Variants in PDZRN3 observed in about 807,000 individuals in gnomAD.
The protein encoded by PDZRN3 is E3 ubiquitin-protein ligase PDZRN3.
In PDZRN3, 38 loss-of-function variants were observed where a neutral mutation model predicts 85.7. That is an observed-to-expected ratio of 0.44 (90% CI 0.34 to 0.58). PDZRN3 has a LOEUF of 0.58. Ranked by LOEUF, PDZRN3 falls within the 20% of genes least tolerant of loss-of-function variation. The pLI, the probability that PDZRN3 is intolerant of heterozygous loss-of-function variation, is 0.01. For synonymous variants in PDZRN3, 759 were observed against 638.0 expected (o/e 1.19, Z -2.86); for missense variants, 1,629 against 1,506.4 (o/e 1.08, Z -1.35).
At position 73,546,323 on chromosome 3, in the gene PDZRN3, C is replaced by A. The variant is rs114849662; in HGVS notation, c.918+56031G>T. Among the ~76,000 whole-genome samples the A allele has an allele frequency of 3.3e-3, 509 of 152,290 alleles. 1 individual carries two copies. The highest frequency in any genetic ancestry group is 0.012 in the African/African-American group (480 of 41,560). Reference sequence around the variant, plus strand: ...GAGAGTACGGACCTGTTGGAGGCAACACAAAACGAAGACAATCTCACCACC... The same window carrying A: ...GAGAGTACGGACCTGTTGGAGGCAAAACAAAACGAAGACAATCTCACCACC... On this transcript the variant is annotated intron_variant, in intron 3 of 9. Transcript: ENST00000263666.
intron 3 of PDZRN3, among the ~76,000 whole-genome samples, chr3:73,417,990 G>A (rs143550931): frequency 8.1e-4 from 124 of 152,296 alleles, no homozygotes; most frequent in African/African-American, 2.8e-3. Flanking sequence ...GAACCTATAT[G>A]AATCAAAAGT....
rs775693371 is a variant in PDZRN3 at position 73,384,922 on chromosome 3, G to C, written c.1644C>G (p.His548Gln). 2 of 1,598,276 alleles carry C rather than the reference G, an allele frequency of 1.3e-6. No homozygotes were observed. The highest frequency in any genetic ancestry group is 1.7e-6 in the Non-Finnish European group (2 of 1,171,162). ...TATCTGTGGTCCCACCGTCTTCGTC[G>C]TGCTTCTTCTGCATAAACACAAGAA... Reference protein sequence around the residue: ...FTASVLQQKKHDEDGGTTDTA... With the variant: ...FTASVLQQKKQDEDGGTTDTA... Residue 548 changes from histidine to glutamine, a missense_variant, in exon 10 of 10, where the codon CAC becomes CAG. Coordinates refer to ENST00000263666, the MANE Select transcript of PDZRN3 (RefSeq NM_015009.3).
At chr3:73,418,809 A>G (rs915512099) in intron 3 of PDZRN3, among the ~76,000 whole-genome samples, 2 of 152,192 alleles carry the variant, frequency 1.3e-5, no homozygotes, top group African/African-American at 4.8e-5. Flanking sequence ...GACACAGAAG[A>G]GACAGATGCC....
Position 73,493,733 on chromosome 3 carries a change from C to T in PDZRN3, c.919-89338G>A, listed in dbSNP as rs191169190. 3.1e-3 allele frequency among the ~76,000 whole-genome samples: 473 copies of T among 152,296 alleles called. 1 individual carries two copies. Among genetic ancestry groups the T allele is most frequent in the Non-Finnish European group, 5.0e-3 (342 of 68,020 alleles). ...TGATGAAGAGGTGCCTCAGGCCTGG[C>T]TAGTCAGATTGCTGATTGGTTAAGG... On this transcript the variant is annotated intron_variant, in intron 3 of 9. Transcript: ENST00000263666.
intron 3 of PDZRN3, among the ~76,000 whole-genome samples, chr3:73,554,263 G>A (rs1306931562): frequency 6.6e-6 from 1 of 152,008 alleles, no homozygotes; most frequent in Non-Finnish European, 1.5e-5. Flanking sequence ...CATTGGCCAA[G>A]TCACAAAATT....
intron 3 of PDZRN3, among the ~76,000 whole-genome samples, chr3:73,436,809 A>G (rs1012193711): frequency 5.3e-5 from 8 of 152,032 alleles, no homozygotes; most frequent in African/African-American, 1.7e-4. Flanking sequence ...GCACTTTGGG[A>G]GGCTGAGGTG....
chr3:73,388,084 G>C lies in PDZRN3; in HGVS notation c.1417-15C>G, dbSNP rs202247721. 1.5e-6 allele frequency: 1 copy of C among 689,332 alleles called. No individual in the cohort carries two copies. The highest frequency in any genetic ancestry group is 2.3e-5 in the South Asian group (1 of 44,428). 42.7% of individuals were successfully genotyped at this position (689,332 alleles called of 1,614,324 possible). ...ATCCCATTAATCTTTTAAAAAAAAA[G>C]GGGGGGTGGGGAGAGTGGGGAGACA... On this transcript the variant is annotated splice_polypyrimidine_tract_variant and intron_variant, in intron 7 of 9. Coordinates refer to ENST00000263666, the MANE Select transcript of PDZRN3 (RefSeq NM_015009.3).
chr3:73,465,279 T>A (rs150506442), intron 3 of PDZRN3, among the ~76,000 whole-genome samples: 43 of 152,300 alleles, frequency 2.8e-4, no homozygotes, highest in African/African-American at 9.4e-4. Flanking sequence ...TTCTATGTGT[T>A]TTAGTTTTTG....
chr3:73,490,298 A>C lies in PDZRN3; in HGVS notation c.919-85903T>G, dbSNP rs370706795. Among the ~76,000 whole-genome samples, 14 of 152,120 alleles carry C rather than the reference A, an allele frequency of 9.2e-5. No homozygotes were observed. In the East Asian group the frequency reaches 1.7e-3, roughly 19 times the overall value. ...GCTGACCGTTCTGCTTTGGAGACCA[A>C]CTCTCACTGCTGCACATGGAAACCC... On this transcript the variant is annotated intron_variant, in intron 3 of 9. Coordinates refer to ENST00000263666, the MANE Select transcript of PDZRN3 (RefSeq NM_015009.3).
chr3:73,441,278 T>C lies in PDZRN3; in HGVS notation c.919-36883A>G, dbSNP rs547027834. ...AAATACAAAAATTAGTTGGGCGTGG[T>C]GGAGCATGCCTGTAATCCCAGCTAG... On this transcript the variant is annotated intron_variant, in intron 3 of 9. Transcript: ENST00000263666. 2.0e-5 allele frequency among the ~76,000 whole-genome samples: 3 copies of C among 151,552 alleles called. No individual in the cohort carries two copies. In the South Asian group the frequency reaches 6.3e-4, roughly 32 times the overall value.
At chr3:73,408,487 G>T (rs1701899099) in intron 3 of PDZRN3, among the ~76,000 whole-genome samples, 3 of 152,032 alleles carry the variant, frequency 2.0e-5, no homozygotes, top group Admixed American at 1.3e-4. Flanking sequence ...TATGCCGTAA[G>T]GCTTCTTGAC....
At chr3:73,495,603 G>A (rs1218198772) in intron 3 of PDZRN3, among the ~76,000 whole-genome samples, 2 of 152,024 alleles carry the variant, frequency 1.3e-5, no homozygotes, top group East Asian at 3.9e-4. Flanking sequence ...GGACACTTAG[G>A]ATGTTTCTGA....
At chr3:73,528,118 G>C (rs577149794) in intron 3 of PDZRN3, among the ~76,000 whole-genome samples, 1 of 152,356 alleles carries the variant, frequency 6.6e-6, no homozygotes, top group East Asian at 1.9e-4. Context: ...CCAGACTAAA[G>C]AGATTGAGGG....
intron 3 of PDZRN3, among the ~76,000 whole-genome samples, chr3:73,470,452 G>A (rs1703313986): frequency 1.3e-5 from 2 of 152,100 alleles, no homozygotes; most frequent in Non-Finnish European, 2.9e-5. Flanking sequence ...CATCCACTAG[G>A]TTTTATGGAG....
intron 2 of PDZRN3, among the ~76,000 whole-genome samples, chr3:73,606,585 A>G (rs185799369): frequency 6.6e-6 from 1 of 152,328 alleles, no homozygotes; most frequent in Admixed American, 6.5e-5. Flanking sequence ...GCGGTTCTAT[A>G]GTTTTTTAAG....
intron 3 of PDZRN3, among the ~76,000 whole-genome samples, chr3:73,513,354 T>C (rs957991546): frequency 6.6e-6 from 1 of 152,152 alleles, no homozygotes; most frequent in Non-Finnish European, 1.5e-5. Context: ...TAAATGAAGA[T>C]TAGGCATGGC....
intron 3 of PDZRN3, among the ~76,000 whole-genome samples, chr3:73,461,084 G>A (rs772428215): frequency 5.3e-5 from 8 of 152,110 alleles, no homozygotes; most frequent in South Asian, 2.1e-4. Context: ...ATGAGCCACC[G>A]TACCTGGCCA....
At chr3:73,440,468 G>A (rs748046781) in intron 3 of PDZRN3, among the ~76,000 whole-genome samples, 5 of 152,160 alleles carry the variant, frequency 3.3e-5, no homozygotes, top group African/African-American at 9.7e-5. Flanking sequence ...GATTTGATGC[G>A]CCTTGATGTC....
At chr3:73,554,495 T>G (rs1037701082) in intron 3 of PDZRN3, among the ~76,000 whole-genome samples, 1 of 152,038 alleles carries the variant, frequency 6.6e-6, no homozygotes. Flanking sequence ...CACAGAAGCA[T>G]GGGCCACAGC....
Sources: allele counts gnomAD v4.1 joint callset (sites outside exome capture counted in the v4.1 genomes callset), GRCh38; gene constraint gnomAD v4.1.1; transcripts MANE v1.5; gene names NCBI Gene and HGNC (gene_info 2026-07-23, HGNC 2026-07-21).